Variants in PCGF6 observed in about 807,000 individuals in gnomAD.
The protein encoded by PCGF6 is polycomb group RING finger protein 6.
Under a neutral mutation model 45.5 loss-of-function variants are expected in PCGF6, and 24 were observed. The observed-to-expected ratio is 0.53, with a 90% CI of 0.38 to 0.74. The LOEUF is 0.74. Among genes scored for constraint, PCGF6 ranks in the 30% least tolerant of loss-of-function variants. PCGF6 has a pLI of 0.00. For synonymous variants in PCGF6, 152 were observed against 162.1 expected, an observed-to-expected ratio of 0.94 and a Z score of 0.47; for missense variants, 356 against 443.2, an observed-to-expected ratio of 0.80 and a Z score of 1.77.
At chr10:103,329,754 T>C (rs1002723617) in intron 7 of PCGF6, among the ~76,000 whole-genome samples, 3 of 152,140 alleles carry the variant, frequency 2.0e-5, no homozygotes, top group Admixed American at 6.6e-5. Flanking sequence ...ATTATAGGTG[T>C]GAGCCACCGT....
At chr10:103,326,423 A>G in intron 8 of PCGF6, 111 bp downstream of exon 8, 1 of 684,226 alleles carries the variant, frequency 1.5e-6, no homozygotes, top group Non-Finnish European at 2.3e-6. Context: ...CTACAACATC[A>G]TAAAACAAAA....
chr10:103,316,094 T>C (rs2093175546), intron 8 of PCGF6, among the ~76,000 whole-genome samples: 1 of 151,926 alleles, frequency 6.6e-6, no homozygotes, highest in East Asian at 1.9e-4. Context: ...TAGATTATGG[T>C]ATGAAATTTC....
chr10:103,307,501 C>T (rs915922436), intron 9 of PCGF6, among the ~76,000 whole-genome samples: 1 of 152,152 alleles, frequency 6.6e-6, no homozygotes, highest in Admixed American at 6.5e-5. Flanking sequence ...TATTTTGAGA[C>T]AGGGTCTTGC....
At chr10:103,326,092 C>G (rs1354118100) in intron 8 of PCGF6, among the ~76,000 whole-genome samples, 1 of 151,992 alleles carries the variant, frequency 6.6e-6, no homozygotes, top group African/African-American at 2.4e-5. Flanking sequence ...CACTATGTAT[C>G]AATATTCAAT....
At chr10:103,329,990 C>G (rs117807544) in intron 7 of PCGF6, among the ~76,000 whole-genome samples, 1 of 148,122 alleles carries the variant, frequency 6.8e-6, no homozygotes, top group Non-Finnish European at 1.5e-5. Flanking sequence ...AGGATGGTAT[C>G]GATCTCCTGA....
chr10:103,343,797 C>T lies in PCGF6; in HGVS notation c.782+1227G>A, dbSNP rs147878062. ...GCAATAAGCTGAGATTGCACCACTG[C>T]ACTCCAGCCTGGGCGACAGAGTAAA... On this transcript the variant is annotated intron_variant, in intron 6 of 9. Transcript: ENST00000369847. Among the ~76,000 whole-genome samples the T allele has an allele frequency of 1.1e-3, 132 of 115,584 alleles. 1 individual carries two copies. The highest frequency in any genetic ancestry group is 4.3e-3 in the African/African-American group (131 of 30,808). 75.8% of individuals were successfully genotyped at this position (115,584 alleles called of 152,430 possible).
chr10:103,325,083 C>T (rs61869829), intron 8 of PCGF6, among the ~76,000 whole-genome samples: 60,239 of 150,740 alleles, frequency 0.4, 12,960 homozygotes, highest in South Asian at 0.64. Context: ...TGCAGAGAGC[C>T]GAGATCACGC....
rs1245792346 is a variant in PCGF6 at position 103,339,832 on chromosome 10, C to A, written c.782+5192G>T. 7.0e-4 allele frequency among the ~76,000 whole-genome samples: 95 copies of A among 135,014 alleles called. 1 individual carries two copies. The highest frequency in any genetic ancestry group is 2.0e-3 in the Admixed American group (26 of 12,934). 88.6% of individuals were successfully genotyped at this position (135,014 alleles called of 152,430 possible). On this transcript the variant is annotated intron_variant, in intron 6 of 9. Transcript: ENST00000369847. ...AAAAACACACACACACACACACACA[C>A]ACACACACACACACACACACACACA...
chr10:103,338,239 T>TCAAA (rs1450856340), intron 6 of PCGF6, among the ~76,000 whole-genome samples: 7 of 150,254 alleles, frequency 4.7e-5, no homozygotes, highest in Non-Finnish European at 8.9e-5. Context: ...AAACCCTGTC[T>TCAAA]CAAACAAACA....
chr10:103,310,519 G>T (rs1388183142), intron 9 of PCGF6, among the ~76,000 whole-genome samples: 1 of 152,056 alleles, frequency 6.6e-6, no homozygotes, highest in Non-Finnish European at 1.5e-5. Flanking sequence ...CTATGCATAT[G>T]TGTATATTTT....
chr10:103,323,195 T>C (rs186104045), intron 8 of PCGF6, among the ~76,000 whole-genome samples: 5 of 152,302 alleles, frequency 3.3e-5, no homozygotes, highest in African/African-American at 9.6e-5. Context: ...CCATGAGATA[T>C]AACCAGGATA....
At chr10:103,322,604 T>G (rs2093201713) in intron 8 of PCGF6, among the ~76,000 whole-genome samples, 1 of 151,612 alleles carries the variant, frequency 6.6e-6, no homozygotes, top group South Asian at 2.1e-4. Context: ...GAGGATCACT[T>G]GAGGCCAGGA....
At chr10:103,325,489 C>G (rs1035131095) in intron 8 of PCGF6, among the ~76,000 whole-genome samples, 1 of 152,066 alleles carries the variant, frequency 6.6e-6, no homozygotes. Flanking sequence ...ACCTCGTGAT[C>G]CACCCACCTC....
chr10:103,309,258 A>T (rs916934945), intron 9 of PCGF6, among the ~76,000 whole-genome samples: 2 of 152,010 alleles, frequency 1.3e-5, no homozygotes, highest in Non-Finnish European at 2.9e-5. Flanking sequence ...ACCAAATCTC[A>T]TGTTGAATTG....
At chr10:103,326,757 C>A in intron 7 of PCGF6, 125 bp from the exon 8 acceptor site, 1 of 571,662 alleles carries the variant, frequency 1.7e-6, no homozygotes, top group Non-Finnish European at 2.8e-6. Flanking sequence ...ATTCAATAGA[C>A]TCTTGAAAAA....
At chr10:103,326,464 G>A (rs2093219046) in intron 8 of PCGF6, 70 bp downstream of exon 8, 2 of 846,362 alleles carry the variant, frequency 2.4e-6, no homozygotes, top group South Asian at 2.2e-5. Flanking sequence ...AAATCCTACA[G>A]AGTTCTTTCT....
In PCGF6 at chr10:103,326,229, C is replaced by CA. The variant is rs544790414; in HGVS notation, c.909+304dup. The stretch of plus-strand genomic sequence containing the variant: ...TGAAACCCCTTCTCTACTAAAAATA[C>CA]AAAAAAAAAATCAGCCGGGTGCAGT... On this transcript the variant is annotated intron_variant, in intron 8 of 9. Transcript: ENST00000369847. 4.3e-3 allele frequency among the ~76,000 whole-genome samples: 628 copies of CA among 147,392 alleles called. 2 individuals carry two copies. The highest frequency in any genetic ancestry group is 0.024 in the Middle Eastern group (7 of 290).
At chr10:103,318,811 T>A (rs1349725757) in intron 8 of PCGF6, among the ~76,000 whole-genome samples, 1 of 152,114 alleles carries the variant, frequency 6.6e-6, no homozygotes, top group Non-Finnish European at 1.5e-5. Flanking sequence ...AACTACCAAA[T>A]TGCAGTTAGA....
At position 103,303,879 on chromosome 10, in the gene PCGF6, C is replaced by T. The variant is rs59709249; in HGVS notation, c.*26G>A. 2.7e-3 allele frequency: 4,274 copies of T among 1,585,472 alleles called. 170 individuals carry two copies. The East Asian group carries it at 0.081, about 30-fold the overall frequency. Reference sequence around the variant, plus strand: ...AGTCCTGCAGAAGCCTCCTTTGTTTCCCTCCTCATAATGTGCCTAGAATCT... The same window carrying T: ...AGTCCTGCAGAAGCCTCCTTTGTTTTCCTCCTCATAATGTGCCTAGAATCT... On this transcript the variant is annotated 3_prime_UTR_variant, in exon 10 of 10. Coordinates refer to ENST00000369847, the MANE Select transcript of PCGF6 (RefSeq NM_001011663.2).
Sources: gnomAD v4.1 joint callset for allele counts (sites outside exome capture counted in the v4.1 genomes callset) on GRCh38, gnomAD v4.1.1 for gene constraint, MANE v1.5 for transcripts, NCBI Gene and HGNC (gene_info 2026-07-23, HGNC 2026-07-21) for gene names.